The following WSCD2 variants were observed in gnomAD, a reference collection of about 807,000 sequenced individuals.
WSCD2 encodes the protein WSC domain sialate O sulfotransferase 2.
A neutral mutation model predicts 55.7 loss-of-function variants in WSCD2; 28 were observed. The ratio of observed to expected loss-of-function variants is 0.50; its 90% CI spans 0.37 to 0.69. The LOEUF is 0.69. Ranked by LOEUF, WSCD2 falls within the 30% of genes least tolerant of loss-of-function variation. WSCD2 has a pLI of 0.00. For missense variants in WSCD2, 616 were observed against 762.1 expected (o/e 0.81, Z 2.26); for synonymous variants, 301 against 301.9 (o/e 1.00, Z 0.03).
chr12:108,233,166 C>T (rs1888963329), intron 7 of WSCD2: 2 of 332,410 alleles, frequency 6.0e-6, no homozygotes, highest in Non-Finnish European at 1.1e-5. Flanking sequence ...GGTACCTTTC[C>T]TCCATTTAGG....
intron 1 of WSCD2, among the ~76,000 whole-genome samples, chr12:108,150,547 C>T (rs542816825): frequency 8.5e-5 from 13 of 152,192 alleles, no homozygotes; most frequent in African/African-American, 3.1e-4. Flanking sequence ...TGCAGAAAGT[C>T]CCCTACAGAG....
At chr12:108,233,052 C>T in intron 7 of WSCD2, 157 bp downstream of exon 7, 3 of 936,872 alleles carry the variant, frequency 3.2e-6, no homozygotes, top group South Asian at 1.8e-5. Context: ...TTGGTACCCC[C>T]CCACCTTCCT....
chr12:108,145,996 G>A (rs150673242), intron 1 of WSCD2, among the ~76,000 whole-genome samples: 164 of 152,316 alleles, frequency 1.1e-3, no homozygotes, highest in African/African-American at 3.6e-3. Context: ...TACCACCATC[G>A]TCCTGAAGGT....
intron 4 of WSCD2, among the ~76,000 whole-genome samples, chr12:108,213,773 G>A (rs1279556270): frequency 3.3e-5 from 5 of 152,306 alleles, no homozygotes; most frequent in Admixed American, 2.6e-4. Context: ...CTGACCATGG[G>A]CTTGAACCCA....
chr12:108,224,590 C>A, intron 4 of WSCD2, 149 bp from the exon 5 acceptor site: 1 of 1,003,490 alleles, frequency 1.0e-6, no homozygotes, highest in Non-Finnish European at 1.5e-6. Context: ...GAACAGAAAA[C>A]ATGGCCACTC....
chr12:108,149,657 A>G (rs78074133), intron 1 of WSCD2, among the ~76,000 whole-genome samples: 256 of 152,326 alleles, frequency 1.7e-3, no homozygotes, highest in African/African-American at 6.0e-3. Flanking sequence ...TGGTGTGACC[A>G]TGATGTGTCC....
intron 7 of WSCD2, among the ~76,000 whole-genome samples, chr12:108,235,971 G>A (rs1889228579): frequency 6.6e-6 from 1 of 152,164 alleles, no homozygotes; most frequent in Non-Finnish European, 1.5e-5. Context: ...CCTTGCAGCT[G>A]AAAGATGCTT....
intron 6 of WSCD2, among the ~76,000 whole-genome samples, chr12:108,232,251 G>A (rs934380033): frequency 6.6e-6 from 1 of 152,160 alleles, no homozygotes. Context: ...CTGTAAAATG[G>A]GTTGGGAGGT....
intron 1 of WSCD2, among the ~76,000 whole-genome samples, chr12:108,138,773 T>A (rs757616256): frequency 6.6e-6 from 1 of 152,262 alleles, no homozygotes; most frequent in Non-Finnish European, 1.5e-5. Context: ...TGTTATTTAG[T>A]GATTTGCTTG....
intron 1 of WSCD2, chr12:108,171,677 ATAGTCTACT>A (rs1352144986): frequency 6.6e-6 from 1 of 152,164 alleles, no homozygotes; most frequent in Non-Finnish European, 1.5e-5. Context: ...TCTACAGTTT[ATAGTCTACT>A]GAGGTGATTA....
chr12:108,242,375 A>G (rs1322713829), intron 8 of WSCD2, among the ~76,000 whole-genome samples: 6 of 152,224 alleles, frequency 3.9e-5, no homozygotes, highest in Admixed American at 2.6e-4. Context: ...TTGGTAGAAC[A>G]GTCAATCAAA....
chr12:108,193,174 T>G (rs1318008721), intron 1 of WSCD2, among the ~76,000 whole-genome samples: 1 of 152,260 alleles, frequency 6.6e-6, no homozygotes, highest in Non-Finnish European at 1.5e-5. Flanking sequence ...AATGAGAGTA[T>G]GTATATGTGT....
intron 4 of WSCD2, among the ~76,000 whole-genome samples, chr12:108,222,400 A>T (rs985397781): frequency 2.0e-5 from 3 of 152,224 alleles, no homozygotes; most frequent in Admixed American, 1.3e-4. Flanking sequence ...AGAGTTTACA[A>T]TGAACCTTGC....
chr12:108,184,011 T>A (rs188634505), intron 1 of WSCD2, among the ~76,000 whole-genome samples: 1 of 152,332 alleles, frequency 6.6e-6, no homozygotes, highest in Non-Finnish European at 1.5e-5. Flanking sequence ...TCCATTTTTC[T>A]TCTTTCTCAG....
At chr12:108,211,632 T>TATATATATATATATATATAC (rs1886171237) in intron 4 of WSCD2, among the ~76,000 whole-genome samples, 7 of 23,078 alleles carry the variant, frequency 3.0e-4, no homozygotes, top group African/African-American at 5.4e-4. Flanking sequence ...TCAAATCCCA[T>TATATATATATATATATATAC]ATATATATAT....
chr12:108,141,986 A>G (rs563518393), intron 1 of WSCD2, among the ~76,000 whole-genome samples: 1 of 152,342 alleles, frequency 6.6e-6, no homozygotes, highest in Non-Finnish European at 1.5e-5. Flanking sequence ...CAGCTTCATT[A>G]TGCAAAACAC....
chr12:108,238,339 T>C (rs1889430081), intron 7 of WSCD2, among the ~76,000 whole-genome samples: 1 of 152,228 alleles, frequency 6.6e-6, no homozygotes, highest in African/African-American at 2.4e-5. Flanking sequence ...GAATGGAACC[T>C]GACTGAAGAA....
intron 1 of WSCD2, among the ~76,000 whole-genome samples, chr12:108,136,391 C>T (rs562953971): frequency 6.8e-6 from 1 of 146,358 alleles, no homozygotes; most frequent in Non-Finnish European, 1.5e-5. Context: ...TTCTCCAGTG[C>T]AGCTTTTTAT....
chr12:108,219,442 C>T (rs995660423), intron 4 of WSCD2, among the ~76,000 whole-genome samples: 3 of 152,180 alleles, frequency 2.0e-5, no homozygotes, highest in Admixed American at 6.5e-5. Flanking sequence ...ATCACTCACA[C>T]CCTTTCATAC....
Sources: allele counts gnomAD v4.1 joint callset (sites outside exome capture counted in the v4.1 genomes callset), GRCh38; gene constraint gnomAD v4.1.1; transcripts MANE v1.5; gene names NCBI Gene and HGNC (gene_info 2026-07-23, HGNC 2026-07-21).